Variants in WDR20 observed in about 807,000 individuals in gnomAD.
WDR20 encodes the protein WD repeat domain 20, also known as WD repeat-containing protein 20.
A neutral mutation model predicts 38.7 loss-of-function variants in WDR20; 3 were observed. The observed-to-expected ratio is 0.08, with a 90% confidence interval of 0.04 to 0.20. The LOEUF is 0.20. WDR20 is among the 10% of genes least tolerant of loss of function. The pLI is 1.00. For missense variants in WDR20, 559 were observed against 727.7 expected, an observed-to-expected ratio of 0.77 and a Z score of 2.67; for synonymous variants, 298 against 285.6, an observed-to-expected ratio of 1.04 and a Z score of -0.44.
Position 102,209,762 on chromosome 14 carries a change from TAGC to T in WDR20, c.1594_1596del (p.Ala532del). 6.2e-7 allele frequency: 1 copy of T among 1,614,126 alleles called. No individual in the cohort carries two copies. Among genetic ancestry groups the T allele is most frequent in the Non-Finnish European group, 8.5e-7 (1 of 1,180,042 alleles). ...TTAGAGCCGCTGATATGTAAAAAGA[TAGC>T]ACATGAGAGACTGACTGTACTAATA... On this transcript the variant is annotated inframe_deletion, in exon 3 of 3. Coordinates refer to ENST00000342702, the MANE Select transcript of WDR20 (RefSeq NM_144574.4). This position sits in a 1 kb window ranked among gnomAD's most constrained non-coding sequence, Gnocchi z 6.0.
At chr14:102,217,766 T>G (rs2063397336), downstream of WDR20, among the ~76,000 whole-genome samples, 1 of 152,228 alleles carries the variant, frequency 6.6e-6, no homozygotes, top group African/African-American at 2.4e-5. Flanking sequence ...GTCTTGCACG[T>G]GAGCAGTTAA....
Position 102,222,300 on chromosome 14 carries a change from AG to A in WDR20, c.1693-529del, listed in dbSNP as rs2063984569. The stretch of plus-strand genomic sequence containing the variant: ...ACCTGTGGGGCCTACACATGTGGAC[AG>A]CTACAGCCAGGGGGTGCCACGGTCA... On this transcript the variant is annotated intron_variant, in intron 3 of 3. Coordinates refer to the WDR20 transcript ENST00000335263. This position sits in a 1 kb window ranked among gnomAD's most constrained non-coding sequence, Gnocchi z 4.4. 6.6e-6 allele frequency among the ~76,000 whole-genome samples: 1 copy of A among 152,226 alleles called. No homozygotes were observed.
In WDR20 at chr14:102,222,659, G is replaced by A. The variant is rs554764674; in HGVS notation, c.1693-171G>A. The stretch of plus-strand genomic sequence containing the variant: ...GGTTCCAATTCTCTAGGAATGGAAC[G>A]CAGTGATCTGGATAGGAATTAAATA... On this transcript the variant is annotated intron_variant, in intron 3 of 3. Transcript: ENST00000335263. This position sits in a 1 kb window ranked among gnomAD's most constrained non-coding sequence, Gnocchi z 4.4. Among the ~76,000 whole-genome samples the A allele has an allele frequency of 9.1e-4, 138 of 152,324 alleles. No individual in the cohort carries two copies. The highest frequency in any genetic ancestry group is 3.2e-3 in the African/African-American group (134 of 41,572).
At chr14:102,193,530 T>C in intron 1 of WDR20, 3 of 1,611,574 alleles carry the variant, frequency 1.9e-6, no homozygotes, top group Non-Finnish European at 2.5e-6. Flanking sequence ...GCTGGGAGAG[T>C]GTCCGCATGG....
intron 1 of WDR20, among the ~76,000 whole-genome samples, chr14:102,173,393 T>A (rs2061373807): frequency 6.6e-6 from 1 of 151,192 alleles, no homozygotes; most frequent in Admixed American, 6.6e-5. Context: ...GGATTACAGG[T>A]GTGTGCCACC....
chr14:102,139,726 C>A, upstream of WDR20: 1 of 816,350 alleles, frequency 1.2e-6, no homozygotes, highest in Non-Finnish European at 1.9e-6. Context: ...GTGGAGCACG[C>A]CAGGTGAGCA....
At chr14:102,213,122 T>G (rs1395585292), downstream of WDR20, 1 of 986,042 alleles carries the variant, frequency 1.0e-6, no homozygotes, top group South Asian at 4.7e-5. Flanking sequence ...TGGGTTGGCC[T>G]TTTTCACCAG....
chr14:102,171,074 C>T lies in WDR20; in HGVS notation c.250-23864C>T, dbSNP rs138261589. ...TCTCCCAGCAATTCTGTCTCAGGCT[C>T]CTGAGTAGCTGGGATTACAGGCATG... On this transcript the variant is annotated intron_variant, in intron 1 of 2. Coordinates refer to ENST00000342702, the MANE Select transcript of WDR20 (RefSeq NM_144574.4). Among the ~76,000 whole-genome samples the T allele has an allele frequency of 4.6e-3, 692 of 151,812 alleles. 6 individuals carry two copies. The highest frequency in any genetic ancestry group is 0.016 in the African/African-American group (643 of 41,412).
At chr14:102,176,504 C>T (rs2062121505) in intron 1 of WDR20, among the ~76,000 whole-genome samples, 1 of 152,184 alleles carries the variant, frequency 6.6e-6, no homozygotes. Flanking sequence ...CGAGACTATC[C>T]TGGCTAACAT....
At position 102,191,923 on chromosome 14, in the gene WDR20, A is replaced by G. The variant is rs571050257; in HGVS notation, c.250-3015A>G. On this transcript the variant is annotated intron_variant, in intron 1 of 2. Transcript: ENST00000342702. ...TACTTTTGTAAAATAAAAAGAATTAATAGGAAAAGAAACTGAAAAAGACAT... is the reference window on the plus strand; with the variant it reads ...TACTTTTGTAAAATAAAAAGAATTAGTAGGAAAAGAAACTGAAAAAGACAT... 3.9e-5 allele frequency among the ~76,000 whole-genome samples: 6 copies of G among 152,352 alleles called. No individual in the cohort carries two copies. In the East Asian group the frequency reaches 9.7e-4, roughly 25 times the overall value.
chr14:102,204,691 C>T (rs778164268), intron 2 of WDR20, among the ~76,000 whole-genome samples: 1 of 152,190 alleles, frequency 6.6e-6, no homozygotes, highest in Non-Finnish European at 1.5e-5. Flanking sequence ...TTCCATTTTC[C>T]ATGCGAGGCA....
chr14:102,213,648 T>C, downstream of WDR20: 1 of 985,508 alleles, frequency 1.0e-6, no homozygotes, highest in Non-Finnish European at 1.2e-6. Flanking sequence ...AGGGCCCAGC[T>C]GGCACGTGGC....
chr14:102,220,719 CAAAAAAAAAAAAAA>C lies in WDR20; in HGVS notation c.1693-2106_1693-2093del, dbSNP rs35097607. On this transcript the variant is annotated intron_variant, in intron 3 of 3. Coordinates refer to the WDR20 transcript ENST00000335263. The surrounding 1 kb of genome is among the most constrained non-coding windows in gnomAD (Gnocchi z 4.2). ...TGGACAACAAAGTGAGACTCCGTCT[CAAAAAAAAAAAAAA>C]AAAAGAAAATATTAAAATTAATGTC... Among the ~76,000 whole-genome samples the C allele has an allele frequency of 1.8e-5, 2 of 111,714 alleles. No individual in the cohort carries two copies. The highest frequency in any genetic ancestry group is 6.3e-5 in the African/African-American group (2 of 31,546). The allele number at this position is 111,714 out of a possible 152,430, so 73.3% of individuals were successfully genotyped here. A position where few individuals can be genotyped will look rare whatever the true frequency, so the allele number is the denominator to read the frequency against.
At chr14:102,147,137 G>C (rs1219320680) in intron 1 of WDR20, among the ~76,000 whole-genome samples, 7 of 152,214 alleles carry the variant, frequency 4.6e-5, no homozygotes, top group Non-Finnish European at 7.3e-5. Context: ...TGGGTGGCTT[G>C]TAATCCCAGC....
At chr14:102,173,409 C>T (rs997042909) in intron 1 of WDR20, among the ~76,000 whole-genome samples, 3 of 149,802 alleles carry the variant, frequency 2.0e-5, no homozygotes, top group South Asian at 2.1e-4. Context: ...CCACCGCGCC[C>T]GGCCTGTTTT....
chr14:102,183,610 T>C (rs2063884966), intron 1 of WDR20, among the ~76,000 whole-genome samples: 1 of 152,234 alleles, frequency 6.6e-6, no homozygotes, highest in African/African-American at 2.4e-5. Flanking sequence ...GTAAGCATTA[T>C]GAACCTTGGG....
downstream of WDR20, chr14:102,213,780 G>T: frequency 6.1e-6 from 6 of 985,444 alleles, no homozygotes; most frequent in Non-Finnish European, 7.2e-6. Flanking sequence ...TCTCGCCTGG[G>T]AGGGAGACGT....
exon 4 of WDR20, chr14:102,223,081 AAAC>A: frequency 1.9e-6 from 1 of 534,072 alleles, no homozygotes; most frequent in South Asian, 2.8e-5. Context: ...TTTCCATTTT[AAAC>A]CGGTCTTTTG....
chr14:102,198,329 G>T, intron 2 of WDR20: 1 of 306,746 alleles, frequency 3.3e-6, no homozygotes, highest in South Asian at 2.5e-5. Context: ...TGTTGGCCAG[G>T]CTAGTCTGGA....
Sources: allele counts gnomAD v4.1 joint callset (sites outside exome capture counted in the v4.1 genomes callset), GRCh38; gene constraint gnomAD v4.1.1; non-coding constraint Gnocchi (gnomAD v3.1); transcripts MANE v1.5; gene names NCBI Gene and HGNC (gene_info 2026-07-23, HGNC 2026-07-21).